Variants in ARPC4 observed in about 807,000 individuals in gnomAD.
ARPC4 encodes the protein actin related protein 2/3 complex subunit 4, also known as actin-related protein 2/3 complex subunit 4.
ARPC4 carries 3 observed loss-of-function variants against 22.8 expected under a neutral mutation model. That is an observed-to-expected ratio of 0.13 (90% CI 0.06 to 0.34). ARPC4 has a LOEUF of 0.34. Ranked by LOEUF, ARPC4 falls within the 10% of genes least tolerant of loss-of-function variation. The pLI is 1.00. For synonymous variants in ARPC4, 80 were observed against 72.5 expected (o/e 1.10, Z -0.52); for missense variants, 98 against 211.0 (o/e 0.46, Z 3.32).
At chr3:9,802,881 C>T (rs906175106) in intron 4 of ARPC4, among the ~76,000 whole-genome samples, 2 of 150,278 alleles carry the variant, frequency 1.3e-5, no homozygotes, top group African/African-American at 2.5e-5. Context: ...GTTGGCTAGG[C>T]GGTCTCAAAC....
rs201631497 is a variant in ARPC4, at chr3:9,805,520, CAT to C, written c.502-689_502-688del. Among the ~76,000 whole-genome samples the C allele has an allele frequency of 2.2e-3, 332 of 152,342 alleles. 8 individuals carry two copies. The highest frequency in any genetic ancestry group is 0.014 in the East Asian group (71 of 5,190). ...GTGAGGAGCTGCTGAGCGCATGCCT[CAT>C]GTGCAGGGGCTGGCTCCCACACAGC... On this transcript the variant is annotated intron_variant, in intron 5 of 5. Coordinates refer to ENST00000397261, the MANE Select transcript of ARPC4 (RefSeq NM_005718.5).
At chr3:9,804,579 T>G (rs1295698880) in intron 5 of ARPC4, among the ~76,000 whole-genome samples, 1 of 152,220 alleles carries the variant, frequency 6.6e-6, no homozygotes, top group Non-Finnish European at 1.5e-5. Flanking sequence ...ATTGATGAAC[T>G]GGTGACATCG....
intron 2 of ARPC4, 74 bp from the exon 3 acceptor site, chr3:9,800,111 C>G: frequency 2.0e-6 from 3 of 1,483,046 alleles, no homozygotes; most frequent in Non-Finnish European, 2.8e-6. Context: ...ATAGTGATTC[C>G]AGGACCTGCG....
intron 2 of ARPC4, among the ~76,000 whole-genome samples, chr3:9,799,205 T>C (rs2078958549): frequency 6.6e-6 from 1 of 152,218 alleles, no homozygotes; most frequent in Admixed American, 6.5e-5. Flanking sequence ...GAAGCCAAAC[T>C]GTGTTCAATT....
At chr3:9,800,443 A>G (rs534654946) in intron 3 of ARPC4, 147 bp downstream of exon 3, 25 of 721,028 alleles carry the variant, frequency 3.5e-5, no homozygotes, top group Admixed American at 2.6e-4. Flanking sequence ...TTTTTTTTTG[A>G]CACGGATTCT....
chr3:9,802,236 T>G (rs1575331963), intron 4 of ARPC4, among the ~76,000 whole-genome samples: 1 of 22,578 alleles, frequency 4.4e-5, no homozygotes, highest in Non-Finnish European at 7.2e-5. Context: ...AGACTCCGTC[T>G]CAAAAAAAAA....
chr3:9,792,558 A>C, upstream of ARPC4: 1 of 1,228,004 alleles, frequency 8.1e-7, no homozygotes, highest in African/African-American at 1.6e-5. Context: ...GGGTGGGAAG[A>C]AGGTGGGCCT....
Position 9,806,419 on chromosome 3 carries a change from G to A in ARPC4, c.*204G>A. 1 of 638,544 alleles carries A rather than the reference G, an allele frequency of 1.6e-6. No individual in the cohort carries two copies. The highest frequency in any genetic ancestry group is 2.8e-6 in the Non-Finnish European group (1 of 355,112). The allele number at this position is 638,544 out of a possible 1,614,324, so 39.6% of individuals were successfully genotyped here. On this transcript the variant is annotated 3_prime_UTR_variant, in exon 6 of 6. Coordinates refer to ENST00000397261, the MANE Select transcript of ARPC4 (RefSeq NM_005718.5). ...CCCAAGGCCACACGTGCCTGGTCAG[G>A]CTGGCTTCTGATGTTCAGTCCCCTG...
At chr3:9,804,061 G>A (rs1017077617) in intron 5 of ARPC4, 48 bp downstream of exon 5, 5 of 1,596,166 alleles carry the variant, frequency 3.1e-6, no homozygotes, top group Non-Finnish European at 4.3e-6. Flanking sequence ...AGGATCTGGG[G>A]GTCATGTTGA....
chr3:9,798,823 A>G lies in ARPC4; in HGVS notation c.122+1046A>G, dbSNP rs529431629. 4.3e-3 allele frequency among the ~76,000 whole-genome samples: 657 copies of G among 152,308 alleles called. 4 individuals carry two copies. Among genetic ancestry groups the G allele is most frequent in the African/African-American group, 0.015 (624 of 41,572 alleles). ...TGGGAGGCGGAGGTTGCAGTGAGCCAAGATCGTGCCACCGCACTCCAGCCT... is the reference window on the plus strand; with the variant it reads ...TGGGAGGCGGAGGTTGCAGTGAGCCGAGATCGTGCCACCGCACTCCAGCCT... On this transcript the variant is annotated intron_variant, in intron 2 of 5. Coordinates refer to ENST00000397261, the MANE Select transcript of ARPC4 (RefSeq NM_005718.5).
chr3:9,797,643 G>T lies in ARPC4; in HGVS notation c.4-16G>T. On this transcript the variant is annotated splice_polypyrimidine_tract_variant and intron_variant, in intron 1 of 5. Transcript: ENST00000397261. ...CAGATTTTGATCTTCCCTTTCCTCTGTGTTATTTCCTATAGACTGCCACTC... is the reference window on the plus strand; with the variant it reads ...CAGATTTTGATCTTCCCTTTCCTCTTTGTTATTTCCTATAGACTGCCACTC... 2 of 1,610,658 alleles carry T rather than the reference G, an allele frequency of 1.2e-6. No individual in the cohort carries two copies. The highest frequency in any genetic ancestry group is 8.5e-7 in the Non-Finnish European group (1 of 1,177,676).
intron 4 of ARPC4, among the ~76,000 whole-genome samples, chr3:9,803,170 A>G (rs1434332407): frequency 6.6e-6 from 1 of 152,228 alleles, no homozygotes; most frequent in African/African-American, 2.4e-5. Context: ...GGCGTGAGCC[A>G]CCGCGCCCGG....
chr3:9,797,269 A>G (rs2078915950), intron 1 of ARPC4, among the ~76,000 whole-genome samples: 1 of 152,092 alleles, frequency 6.6e-6, no homozygotes, highest in Non-Finnish European at 1.5e-5. Context: ...AGCACTATTG[A>G]TATTTGAGTC....
intron 2 of ARPC4, among the ~76,000 whole-genome samples, chr3:9,799,026 T>TA (rs2078954800): frequency 6.6e-6 from 1 of 152,234 alleles, no homozygotes; most frequent in Non-Finnish European, 1.5e-5. Flanking sequence ...TTATACTGTG[T>TA]AACGTACACG....
rs1353082956 is a variant in ARPC4, at chr3:9,803,979, G to A, written c.467G>A (p.Arg156His). ...ISEMKLSVNARARIVAEEFLK... is the reference protein window; with the variant it reads ...ISEMKLSVNAHARIVAEEFLK... ...GAGATGAAGCTGTCAGTCAATGCCC[G>A]TGCCCGCATTGTGGCTGAAGAGTTC... Residue 156 changes from arginine (R) to histidine (H), a missense_variant, in exon 5 of 6, where the codon CGT (arginine) becomes CAT (histidine). By Grantham distance (29) the Arg-to-His change is conservative (BLOSUM62 0). Coordinates refer to ENST00000397261, the MANE Select transcript of ARPC4 (RefSeq NM_005718.5). 1 of 1,614,212 alleles carries A rather than the reference G, an allele frequency of 6.2e-7. No individual in the cohort carries two copies. The highest frequency in any genetic ancestry group is 8.5e-7 in the Non-Finnish European group (1 of 1,180,024).
intron 1 of ARPC4, 70 bp downstream of exon 1, chr3:9,793,194 T>C (rs1486301742): frequency 1.3e-6 from 2 of 1,506,542 alleles, no homozygotes; most frequent in South Asian, 1.2e-5. Flanking sequence ...CGGTGGGAGA[T>C]GTGGCTTTGC....
chr3:9,802,378 C>CCT (rs2079028668), intron 4 of ARPC4, among the ~76,000 whole-genome samples: 2 of 146,546 alleles, frequency 1.4e-5, no homozygotes, highest in Non-Finnish European at 3.0e-5. Context: ...GTCTCTCTCT[C>CCT]TTTTTTTTTT....
intron 1 of ARPC4, among the ~76,000 whole-genome samples, chr3:9,797,102 C>G (rs2078911558): frequency 6.6e-6 from 1 of 151,916 alleles, no homozygotes; most frequent in Non-Finnish European, 1.5e-5. Flanking sequence ...ATTTGCTATC[C>G]AGTTGAGCTG....
At position 9,797,639 on chromosome 3, in the gene ARPC4, C is replaced by G; in HGVS notation, c.4-20C>G. On this transcript the variant is annotated intron_variant, in intron 1 of 5. Coordinates refer to ENST00000397261, the MANE Select transcript of ARPC4 (RefSeq NM_005718.5). ...GTGACAGATTTTGATCTTCCCTTTC[C>G]TCTGTGTTATTTCCTATAGACTGCC... The G allele has an allele frequency of 1.2e-6, 2 of 1,607,326 alleles. No individual in the cohort carries two copies. Among genetic ancestry groups the G allele is most frequent in the Non-Finnish European group, 1.7e-6 (2 of 1,175,168 alleles).
Sources: allele counts gnomAD v4.1 joint callset (sites outside exome capture counted in the v4.1 genomes callset), GRCh38; gene constraint gnomAD v4.1.1; transcripts MANE v1.5; gene names NCBI Gene and HGNC (gene_info 2026-07-23, HGNC 2026-07-21).